Variants in PSD3 observed in about 807,000 individuals in gnomAD.
PSD3 encodes pleckstrin and Sec7 domain containing 3.
PSD3 carries 49 observed loss-of-function variants against 105.5 expected under a neutral mutation model. That is an observed-to-expected ratio of 0.46 (90% CI 0.37 to 0.59). The LOEUF is 0.59. PSD3 is among the 20% of genes least tolerant of loss of function. The pLI is 0.00. For missense variants in PSD3, 1,561 were observed against 1,263.8 expected (o/e 1.24, Z -3.57); for synonymous variants, 557 against 457.8 (o/e 1.22, Z -2.77).
intron 15 of PSD3, among the ~76,000 whole-genome samples, chr8:18,551,884 A>G (rs1426150831): frequency 6.6e-6 from 1 of 152,206 alleles, no homozygotes; most frequent in Non-Finnish European, 1.5e-5. Flanking sequence ...TAATACATAT[A>G]AAACTGGCTG....
chr8:18,860,486 G>C (rs528573442), intron 4 of PSD3, among the ~76,000 whole-genome samples: 1 of 151,710 alleles, frequency 6.6e-6, no homozygotes, highest in African/African-American at 2.4e-5. Flanking sequence ...TATCTTCAAA[G>C]AGCAATAAAG....
At chr8:18,617,838 T>C (rs1349115433) in intron 11 of PSD3, among the ~76,000 whole-genome samples, 1 of 152,160 alleles carries the variant, frequency 6.6e-6, no homozygotes, top group Non-Finnish European at 1.5e-5. Flanking sequence ...TAGCATCACA[T>C]GATGGATAGC....
intron 2 of PSD3, among the ~76,000 whole-genome samples, chr8:18,893,795 C>T (rs144752967): frequency 3.2e-4 from 49 of 152,354 alleles, no homozygotes; most frequent in African/African-American, 1.2e-3. Flanking sequence ...CTCTCTCTCA[C>T]TGGCTCACAG....
rs181879104 is a variant in PSD3 at position 18,779,613 on chromosome 8, A to G, written c.2083-14075T>C. 1.9e-3 allele frequency among the ~76,000 whole-genome samples: 292 copies of G among 152,214 alleles called. 4 individuals carry two copies. Among genetic ancestry groups the G allele is most frequent in the African/African-American group, 6.7e-3 (280 of 41,548 alleles). ...ATCCTTTTATCATGGCTTTTGCTGT[A>G]TCCCACATATTTTGATATGTTGTGT... On this transcript the variant is annotated intron_variant, in intron 8 of 15. Transcript: ENST00000327040.
intron 1 of PSD3, among the ~76,000 whole-genome samples, chr8:18,965,443 T>C (rs142253308): frequency 0.014 from 2,196 of 152,298 alleles, 69 homozygotes; most frequent in African/African-American, 0.05. Context: ...TGTTCTCTCA[T>C]CCCATTACCC....
chr8:18,752,249 G>A (rs922610083), intron 9 of PSD3, among the ~76,000 whole-genome samples: 1 of 150,808 alleles, frequency 6.6e-6, no homozygotes, highest in East Asian at 1.9e-4. Context: ...TGTACATGCA[G>A]AATCACTGAC....
In PSD3 at chr8:18,872,288, T is replaced by A. The variant is rs369539100; in HGVS notation, c.576A>T (p.Lys192Asn). ...CTGAAAGAGGTATTTCTGGTAAATT[T>A]TTTTGGCCAGCAGGGAGCGTTTTGT... ...RVNKTLPAGQ[K>N]NLPEIPLSAE... The change falls in exon 3 of 16, where the codon AAA becomes AAT. Residue 192 changes from lysine (K) to asparagine (N), a missense_variant. Coordinates refer to ENST00000327040, the MANE Select transcript of PSD3 (RefSeq NM_015310.4). The A allele has an allele frequency of 6.2e-7, 1 of 1,614,224 alleles. No homozygotes were observed. The highest frequency in any genetic ancestry group is 1.7e-5 in the Admixed American group (1 of 60,028).
At chr8:19,073,550 CAAAAAAAAAAAAAAAAAAAAAA>C (rs869154642) in intron 1 of PSD3, among the ~76,000 whole-genome samples, 1 of 69,126 alleles carries the variant, frequency 1.4e-5, no homozygotes, top group African/African-American at 6.2e-5. Flanking sequence ...AACTGTCTCT[CAAAAAAAAAAAAAAAAAAAAAA>C]AAAAAAAAAA....
At chr8:18,689,374 C>T (rs1349422743) in intron 9 of PSD3, among the ~76,000 whole-genome samples, 2 of 152,146 alleles carry the variant, frequency 1.3e-5, no homozygotes, top group East Asian at 1.9e-4. Context: ...GGCACCCAGG[C>T]AGACACTTCC....
At chr8:18,660,871 A>T (rs1030051574) in intron 9 of PSD3, among the ~76,000 whole-genome samples, 1 of 152,228 alleles carries the variant, frequency 6.6e-6, no homozygotes, top group Non-Finnish European at 1.5e-5. Flanking sequence ...TTGAATTTGA[A>T]GATCATCATT....
intron 9 of PSD3, among the ~76,000 whole-genome samples, chr8:18,737,266 C>A (rs1804221600): frequency 6.6e-6 from 1 of 152,096 alleles, no homozygotes; most frequent in African/African-American, 2.4e-5. Context: ...ATAGGGCCCA[C>A]AGTTAGAAAA....
chr8:18,767,887 C>A (rs180775463), intron 8 of PSD3, among the ~76,000 whole-genome samples: 1 of 152,020 alleles, frequency 6.6e-6, no homozygotes, highest in African/African-American at 2.4e-5. Flanking sequence ...AAGGGTAGAA[C>A]AGCACCTAGT....
In PSD3 at chr8:18,978,721, G is replaced by A. The variant is rs1738478136; in HGVS notation, c.21+34842C>T. Among the ~76,000 whole-genome samples, 6 of 152,172 alleles carry A rather than the reference G, an allele frequency of 3.9e-5. No homozygotes were observed. In the South Asian group the frequency reaches 1.2e-3, roughly 31 times the overall value. On this transcript the variant is annotated intron_variant, in intron 1 of 15. Coordinates refer to ENST00000327040, the MANE Select transcript of PSD3 (RefSeq NM_015310.4). ...CACTGATGCAGCAGACACTGCTTCA[G>A]AGCACTGCTTTATTGGTACCACTTC...
chr8:19,028,302 T>TC (rs1586644784), intron 1 of PSD3, among the ~76,000 whole-genome samples: 1 of 113,884 alleles, frequency 8.8e-6, no homozygotes, highest in East Asian at 3.5e-4. Context: ...GCCCACCCTT[T>TC]TTTTTTTTTT....
At chr8:18,711,951 C>G (rs1802281749) in intron 9 of PSD3, among the ~76,000 whole-genome samples, 1 of 152,086 alleles carries the variant, frequency 6.6e-6, no homozygotes, top group Admixed American at 6.6e-5. Context: ...GTGATCCAAT[C>G]AGAAATCAAG....
intron 9 of PSD3, among the ~76,000 whole-genome samples, chr8:18,701,465 A>G (rs1801577908): frequency 6.6e-6 from 1 of 152,220 alleles, no homozygotes; most frequent in South Asian, 2.1e-4. Flanking sequence ...TTGAAAACAT[A>G]CTATGTATCA....
At chr8:19,082,173 C>G (rs1219336360) in intron 1 of PSD3, among the ~76,000 whole-genome samples, 1 of 152,182 alleles carries the variant, frequency 6.6e-6, no homozygotes, top group Non-Finnish European at 1.5e-5. Context: ...GTTTAACACC[C>G]AACCCTGGGC....
rs1173475296 is a variant in PSD3 at position 18,529,890 on chromosome 8, A to G, written c.*5853T>C. 6.6e-6 allele frequency: 1 copy of G among 152,432 alleles called. No homozygotes were observed. Among genetic ancestry groups the G allele is most frequent in the East Asian group, 1.9e-4 (1 of 5,200 alleles). 9.4% of individuals were successfully genotyped at this position (152,432 alleles called of 1,614,324 possible). On this transcript the variant is annotated 3_prime_UTR_variant, in exon 16 of 16. Transcript: ENST00000327040. ...CTCTCGCAAAACTAAGACCCTGCCA[A>G]TCATTCACAGAGCCAGTCCACTGCA...
chr8:18,863,104 T>C (rs1182465723), intron 4 of PSD3, among the ~76,000 whole-genome samples: 1 of 152,170 alleles, frequency 6.6e-6, no homozygotes. Flanking sequence ...AAAAAGCAGC[T>C]TCATATATTC....
Sources: gnomAD v4.1 joint callset for allele counts (sites outside exome capture counted in the v4.1 genomes callset) on GRCh38, gnomAD v4.1.1 for gene constraint, MANE v1.5 for transcripts, NCBI Gene and HGNC (gene_info 2026-07-23, HGNC 2026-07-21) for gene names.